Variants in PHACTR1 observed in about 807,000 individuals in gnomAD.
The protein encoded by PHACTR1 is RPEL repeat containing 1.
A neutral mutation model predicts 69.2 loss-of-function variants in PHACTR1; 16 were observed. The ratio of observed to expected loss-of-function variants is 0.23; its 90% CI spans 0.16 to 0.35. The LOEUF (loss-of-function observed/expected upper bound fraction) is 0.35. Ranked by LOEUF, PHACTR1 falls within the 10% of genes least tolerant of loss-of-function variation. The probability of loss-of-function intolerance (pLI) is 1.00; values close to 1 mark genes in which losing one functional copy is unlikely to be tolerated. For synonymous variants in PHACTR1, 312 were observed against 284.5 expected, an observed-to-expected ratio of 1.10 and a Z score of -0.97; for missense variants, 510 against 734.7, an observed-to-expected ratio of 0.69 and a Z score of 3.54.
chr6:12,972,069 A>G (rs1433145901), intron 4 of PHACTR1, among the ~76,000 whole-genome samples: 1 of 152,158 alleles, frequency 6.6e-6, no homozygotes, highest in East Asian at 1.9e-4. Flanking sequence ...ACCTACCGAT[A>G]CCTTTTACTA....
chr6:12,797,877 C>T (rs971719795), intron 4 of PHACTR1, among the ~76,000 whole-genome samples: 1 of 152,134 alleles, frequency 6.6e-6, no homozygotes, highest in Non-Finnish European at 1.5e-5. Context: ...TCAAATGTCA[C>T]TTCATCAAAG....
At chr6:12,740,687 C>G (rs572319236) in intron 3 of PHACTR1, among the ~76,000 whole-genome samples, 1 of 152,088 alleles carries the variant, frequency 6.6e-6, no homozygotes, top group African/African-American at 2.4e-5. Flanking sequence ...CAGTCTGTGG[C>G]CTGCTTTTCC....
chr6:13,079,873 T>A (rs73368170), intron 5 of PHACTR1, among the ~76,000 whole-genome samples: 5,767 of 152,188 alleles, frequency 0.038, 357 homozygotes, highest in African/African-American at 0.13. Flanking sequence ...TCTCACTTCA[T>A]CTTCAAAATA....
chr6:13,153,600 C>A (rs1757764260), intron 5 of PHACTR1, among the ~76,000 whole-genome samples: 1 of 152,126 alleles, frequency 6.6e-6, no homozygotes, highest in South Asian at 2.1e-4. Flanking sequence ...TTATGTAGTT[C>A]TCTTTTGGTG....
In PHACTR1 at chr6:12,716,857, T is replaced by C. The variant is rs1761428994; in HGVS notation, c.-321T>C. 6.6e-6 allele frequency: 1 copy of C among 152,102 alleles called. No homozygotes were observed. Among genetic ancestry groups the C allele is most frequent in the African/African-American group, 2.4e-5 (1 of 41,410 alleles). 9.4% of individuals were successfully genotyped at this position (152,102 alleles called of 1,614,324 possible). A position where few individuals can be genotyped will look rare whatever the true frequency, so the allele number is the denominator to read the frequency against. On this transcript the variant is annotated 5_prime_UTR_variant, in exon 1 of 15. Coordinates refer to ENST00000332995, the MANE Select transcript of PHACTR1 (RefSeq NM_030948.6). ...AGAAGCGTCGCACTGCTTTGTTTTG[T>C]ACTCTACCGTGTCCTGTTGAAAGGG...
chr6:13,000,295 C>T (rs1312628453), intron 4 of PHACTR1, among the ~76,000 whole-genome samples: 1 of 152,198 alleles, frequency 6.6e-6, no homozygotes, highest in Non-Finnish European at 1.5e-5. Flanking sequence ...CACCTGGAAT[C>T]CCAGCACTTT....
intron 11 of PHACTR1, chr6:13,276,033 G>GC (rs1428246763): frequency 6.6e-6 from 1 of 151,356 alleles, no homozygotes. Context: ...GTTGCTGTCT[G>GC]CCCCCCAGTT....
At chr6:12,788,075 G>C (rs1015331663) in intron 4 of PHACTR1, among the ~76,000 whole-genome samples, 2 of 151,846 alleles carry the variant, frequency 1.3e-5, no homozygotes, top group South Asian at 4.2e-4. Flanking sequence ...GGAGGATAGC[G>C]TGAGTCTGGG....
chr6:13,281,029 C>T lies in PHACTR1; in HGVS notation c.1510-2393C>T, dbSNP rs1356904019. 4 of 1,289,484 alleles carry T rather than the reference C, an allele frequency of 3.1e-6. No individual in the cohort carries two copies. In the African/African-American group the frequency reaches 6.1e-5, roughly 20 times the overall value. 79.9% of individuals were successfully genotyped at this position (1,289,484 alleles called of 1,614,324 possible). On this transcript the variant is annotated intron_variant, in intron 12 of 14. Coordinates refer to ENST00000332995, the MANE Select transcript of PHACTR1 (RefSeq NM_030948.6). ...AGCCAGCTGCATCCTCGCTCATTCC[C>T]TCTGAGCACTTGTGCTCTATGCTGT...
intron 8 of PHACTR1, among the ~76,000 whole-genome samples, chr6:13,207,651 G>A (rs921829193): frequency 6.6e-6 from 1 of 152,168 alleles, no homozygotes; most frequent in African/African-American, 2.4e-5. Context: ...GAAGGCACTG[G>A]GATTTCCCAC....
intron 10 of PHACTR1, among the ~76,000 whole-genome samples, chr6:13,256,317 G>A (rs1272635215): frequency 6.6e-6 from 1 of 152,250 alleles, no homozygotes; most frequent in Non-Finnish European, 1.5e-5. Flanking sequence ...CTGGGCCTGT[G>A]ATGGGAGGAG....
chr6:12,968,299 ACAG>A (rs534474869), intron 4 of PHACTR1, among the ~76,000 whole-genome samples: 317 of 152,332 alleles, frequency 2.1e-3, no homozygotes, highest in South Asian at 3.7e-3. Context: ...AGCTTGGAAA[ACAG>A]CAGCTTCAAA....
intron 5 of PHACTR1, among the ~76,000 whole-genome samples, chr6:13,081,420 C>T (rs1034836148): frequency 3.3e-5 from 5 of 152,280 alleles, no homozygotes; most frequent in South Asian, 4.1e-4. Flanking sequence ...AAATGATAGA[C>T]GCAACATGTA....
intron 4 of PHACTR1, among the ~76,000 whole-genome samples, chr6:12,940,477 T>A (rs1789947472): frequency 6.6e-6 from 1 of 152,208 alleles, no homozygotes; most frequent in South Asian, 2.1e-4. Flanking sequence ...GGTGAAATAT[T>A]CAGTGGAGAT....
chr6:13,226,333 A>C (rs1769688656), intron 8 of PHACTR1, among the ~76,000 whole-genome samples: 1 of 152,236 alleles, frequency 6.6e-6, no homozygotes, highest in African/African-American at 2.4e-5. Context: ...TTAAAGCGTA[A>C]TTGAAAGTTT....
intron 7 of PHACTR1, among the ~76,000 whole-genome samples, chr6:13,199,865 A>G (rs1376228204): frequency 6.6e-6 from 1 of 152,234 alleles, no homozygotes. Context: ...ATAAAACTCA[A>G]TTGGAAGTGC....
intron 4 of PHACTR1, among the ~76,000 whole-genome samples, chr6:12,758,334 C>G (rs537247638): frequency 2.8e-4 from 43 of 151,510 alleles, no homozygotes; most frequent in Non-Finnish European, 5.2e-4. Flanking sequence ...CACAGCTACT[C>G]GGGAGGCTGA....
chr6:12,802,858 C>A (rs937049863), intron 4 of PHACTR1, among the ~76,000 whole-genome samples: 1 of 152,112 alleles, frequency 6.6e-6, no homozygotes, highest in East Asian at 1.9e-4. Flanking sequence ...CGAGAGAAGA[C>A]GTTTTAAAAG....
intron 4 of PHACTR1, among the ~76,000 whole-genome samples, chr6:12,912,868 C>T (rs1456188099): frequency 6.6e-6 from 1 of 152,174 alleles, no homozygotes; most frequent in East Asian, 1.9e-4. Context: ...GTGGGAGGAT[C>T]ACCTGAGCCC....
Sources: gnomAD v4.1 joint callset for allele counts (sites outside exome capture counted in the v4.1 genomes callset) on GRCh38, gnomAD v4.1.1 for gene constraint, MANE v1.5 for transcripts, NCBI Gene and HGNC (gene_info 2026-07-23, HGNC 2026-07-21) for gene names.